OLFM4: variants seen among roughly 807,000 people sequenced by gnomAD.
The protein encoded by OLFM4 is olfactomedin-4.
In OLFM4, 22 loss-of-function variants were observed where a neutral mutation model predicts 25.5. The ratio of observed to expected loss-of-function variants is 0.86; its 90% CI spans 0.62 to 1.23. OLFM4 has a LOEUF of 1.23. OLFM4 is among the 50% of genes most tolerant of loss of function. The pLI is 0.00. For missense variants in OLFM4, 594 were observed against 619.4 expected, an observed-to-expected ratio of 0.96 and a Z score of 0.44; for synonymous variants, 255 against 237.7, an observed-to-expected ratio of 1.07 and a Z score of -0.67.
intron 2 of OLFM4, among the ~76,000 whole-genome samples, chr13:53,041,466 T>A (rs1476948065): frequency 3.9e-5 from 6 of 151,986 alleles, no homozygotes; most frequent in African/African-American, 1.4e-4. Context: ...GAAGCGTACT[T>A]GAGGGTGGAG....
intron 2 of OLFM4, among the ~76,000 whole-genome samples, chr13:53,037,853 A>G (rs1954666618): frequency 6.6e-6 from 1 of 152,256 alleles, no homozygotes. Context: ...GTTTTGAGAG[A>G]CTGGCAGAAA....
rs753776148 is a variant in OLFM4 at position 53,050,222 on chromosome 13, T to A, written c.984T>A (p.Gly328=). 2 of 1,614,014 alleles carry A rather than the reference T, an allele frequency of 1.2e-6. No homozygotes were observed. ...AGTTGCGGATCACCTATGGCCAAGG[T>A]AGTGGTACAGCAGTTTACAACAACA... ...ARELRITYGQ[G]SGTAVYNNNM... Residue 328 remains glycine, a synonymous_variant, in exon 5 of 5, where the codon GGT becomes GGA. Coordinates refer to ENST00000219022, the MANE Select transcript of OLFM4 (RefSeq NM_006418.5).
chr13:53,047,780 T>C (rs893027046), intron 4 of OLFM4, among the ~76,000 whole-genome samples: 1 of 152,174 alleles, frequency 6.6e-6, no homozygotes, highest in South Asian at 2.1e-4. Flanking sequence ...AGTAATTTTT[T>C]GAGAAGTTTA....
Position 53,050,114 on chromosome 13 carries a change from A to T in OLFM4, c.876A>T (p.Pro292=). The change falls in exon 5 of 5, where the codon CCA becomes CCT. Residue 292 remains proline (P), a synonymous_variant. Coordinates refer to ENST00000219022, the MANE Select transcript of OLFM4 (RefSeq NM_006418.5). ...HPNKGLYWVA[P]LNTDGRLLEY... is the part of the protein sequence containing the mutation. ...ACAAAGGACTGTATTGGGTGGCGCC[A>T]TTGAATACAGATGGGAGACTGTTGG... is the stretch of plus-strand genomic sequence containing the variant. 2.5e-6 allele frequency: 4 copies of T among 1,614,004 alleles called. No individual in the cohort carries two copies. The highest frequency in any genetic ancestry group is 3.4e-6 in the Non-Finnish European group (4 of 1,179,922).
intron 4 of OLFM4, among the ~76,000 whole-genome samples, chr13:53,046,241 C>G (rs1954714903): frequency 6.6e-6 from 1 of 152,122 alleles, no homozygotes; most frequent in Non-Finnish European, 1.5e-5. Context: ...TTAATAGATC[C>G]AAGACTAATT....
In OLFM4 at chr13:53,050,535, G is replaced by A. The variant is rs748620508; in HGVS notation, c.1297G>A (p.Ala433Thr). The A allele has an allele frequency of 2.2e-5, 35 of 1,613,972 alleles. No homozygotes were observed. The Admixed American group carries it at 2.8e-4, about 13-fold the overall frequency. Residue 433 changes from alanine to threonine, a missense_variant, in exon 5 of 5, where the codon GCC becomes ACC. Ala to Thr is a moderately conservative substitution (Grantham distance 58). Transcript: ENST00000219022. ...TKQYKPSASN[A>T]FMVCGVLYAT... ...GCAGTATAAACCATCTGCTTCTAAC[G>A]CCTTCATGGTATGTGGGGTTCTGTA...
chr13:53,047,311 T>C (rs539537724), intron 4 of OLFM4, among the ~76,000 whole-genome samples: 18 of 152,062 alleles, frequency 1.2e-4, no homozygotes, highest in Non-Finnish European at 2.9e-5. Context: ...GATGGGGGGA[T>C]GGGGACTCTG....
Position 53,050,712 on chromosome 13 carries a change from G to A in OLFM4, c.1474G>A (p.Val492Ile). ...TAACCCTTTTGACCAGAAACTTTAT[G>A]TCTATAACGATGGTTACCTTCTGAA... is the stretch of plus-strand genomic sequence containing the variant. ...NYNPFDQKLY[V>I]YNDGYLLNYD... is the part of the protein sequence containing the mutation. Residue 492 changes from valine to isoleucine, a missense_variant, in exon 5 of 5, where the codon GTC becomes ATC. Coordinates refer to ENST00000219022, the MANE Select transcript of OLFM4 (RefSeq NM_006418.5). 6.2e-7 allele frequency: 1 copy of A among 1,612,748 alleles called. No individual in the cohort carries two copies. The highest frequency in any genetic ancestry group is 8.5e-7 in the Non-Finnish European group (1 of 1,179,562).
At chr13:53,035,986 A>T (rs1485545199) in intron 2 of OLFM4, among the ~76,000 whole-genome samples, 1 of 152,224 alleles carries the variant, frequency 6.6e-6, no homozygotes, top group African/African-American at 2.4e-5. Context: ...CCATTAATTT[A>T]CAAGGAGCTC....
At chr13:53,033,273 A>G (rs1174114346) in intron 1 of OLFM4, among the ~76,000 whole-genome samples, 1 of 152,234 alleles carries the variant, frequency 6.6e-6, no homozygotes, top group Non-Finnish European at 1.5e-5. Flanking sequence ...CTTTTTCTGC[A>G]AATGGTAAGC....
At position 53,028,983 on chromosome 13, in the gene OLFM4, C is replaced by G; in HGVS notation, c.147C>G (p.Ser49Arg). 6.2e-7 allele frequency: 1 copy of G among 1,614,220 alleles called. No homozygotes were observed. Among genetic ancestry groups the G allele is most frequent in the Non-Finnish European group, 8.5e-7 (1 of 1,180,044 alleles). ...GVDSSSSFSSSSRSGSSSSRS... is the reference protein window; with the variant it reads ...GVDSSSSFSSRSRSGSSSSRS... The stretch of plus-strand genomic sequence containing the variant: ...ACTCCAGCTCCAGCTTCAGCTCCAG[C>G]TCCAGGTCGGGCTCCAGCTCCAGCC... The change falls in exon 1 of 5, where the codon AGC (serine) becomes AGG (arginine). Residue 49 changes from serine (S) to arginine (R), a missense_variant. Transcript: ENST00000219022.
At position 53,043,205 on chromosome 13, in the gene OLFM4, A is replaced by G; in HGVS notation, c.671A>G (p.Lys224Arg). 6.2e-7 allele frequency: 1 copy of G among 1,613,508 alleles called. No individual in the cohort carries two copies. The highest frequency in any genetic ancestry group is 8.5e-7 in the Non-Finnish European group (1 of 1,179,706). ...ATCGTGGCTCTGAAGACCAAGCTGAAAGAGTGTGAGGCCTCTAAAGATCAA... is the reference window on the plus strand; with the variant it reads ...ATCGTGGCTCTGAAGACCAAGCTGAGAGAGTGTGAGGCCTCTAAAGATCAA... ...REIVALKTKL[K>R]ECEASKDQNT... Residue 224 changes from lysine (K) to arginine (R), a missense_variant, in exon 4 of 5, where the codon AAA becomes AGA. Lys to Arg is a conservative substitution (Grantham distance 26). Coordinates refer to ENST00000219022, the MANE Select transcript of OLFM4 (RefSeq NM_006418.5).
In OLFM4 at chr13:53,049,967, A is replaced by C; in HGVS notation, c.731-2A>C. 6.3e-7 allele frequency: 1 copy of C among 1,592,538 alleles called. No homozygotes were observed. The highest frequency in any genetic ancestry group is 8.6e-7 in the Non-Finnish European group (1 of 1,166,156). ...TGCCTTTTTATTTTCTTGTTTGTAT[A>C]GGGAGCTGTGGTCATGGTGGTGTGG... On this transcript the variant is annotated splice_acceptor_variant, in intron 4 of 4. Transcript: ENST00000219022. LOFTEE classifies it high-confidence loss of function.
At chr13:53,043,368 G>GTT (rs1184435043) in intron 4 of OLFM4, 104 bp downstream of exon 4, 223 of 458,858 alleles carry the variant, frequency 4.9e-4, no homozygotes, top group Non-Finnish European at 5.8e-4. Flanking sequence ...AAGAAGGTGG[G>GTT]TTGTTTTTTT....
rs1593480611 is a variant in OLFM4 at position 53,042,033 on chromosome 13, G to A, written c.481G>A (p.Val161Ile). 6.8e-6 allele frequency: 11 copies of A among 1,613,940 alleles called. No homozygotes were observed. The highest frequency in any genetic ancestry group is 9.3e-6 in the Non-Finnish European group (11 of 1,179,960). Residue 161 changes from valine to isoleucine, a missense_variant, in exon 3 of 5, where the codon GTA becomes ATA. Physicochemically the swap from Val to Ile is conservative, Grantham distance 29 (BLOSUM62 3). Coordinates refer to ENST00000219022, the MANE Select transcript of OLFM4 (RefSeq NM_006418.5). Reference sequence around the variant, plus strand: ...TGAACTGGACTTCGAGCTGATCAAGGTAGAAGTGAAGGAGATGGAAAAACT... The same window carrying A: ...TGAACTGGACTTCGAGCTGATCAAGATAGAAGTGAAGGAGATGGAAAAACT... ...YTELDFELIK[V>I]EVKEMEKLVI...
intron 2 of OLFM4, among the ~76,000 whole-genome samples, chr13:53,036,251 T>C (rs1954657761): frequency 6.6e-6 from 1 of 152,230 alleles, no homozygotes. Flanking sequence ...CATTAAATTA[T>C]AAATTCTAAC....
intron 3 of OLFM4, among the ~76,000 whole-genome samples, 164 bp downstream of exon 3, chr13:53,042,286 G>A (rs1405056902): frequency 6.6e-6 from 1 of 152,226 alleles, no homozygotes; most frequent in Non-Finnish European, 1.5e-5. Context: ...ATAAGGGCAT[G>A]TGTTTGAATA....
At chr13:53,038,253 C>T (rs747475894) in intron 2 of OLFM4, among the ~76,000 whole-genome samples, 4 of 152,150 alleles carry the variant, frequency 2.6e-5, no homozygotes, top group African/African-American at 4.8e-5. Context: ...AGGACAAAAT[C>T]ACCACCACTA....
At position 53,042,246 on chromosome 13, in the gene OLFM4, C is replaced by T. The variant is rs1465471875; in HGVS notation, c.570+124C>T. The stretch of plus-strand genomic sequence containing the variant: ...TTCTAATTCTCTACTGTCTCATGGC[C>T]ACATGGCATATCACTATGTTCTGTT... On this transcript the variant is annotated intron_variant, in intron 3 of 4. Coordinates refer to ENST00000219022, the MANE Select transcript of OLFM4 (RefSeq NM_006418.5). 1.5e-5 allele frequency: 12 copies of T among 788,042 alleles called. No homozygotes were observed. The South Asian group carries it at 1.6e-4, about 10-fold the overall frequency. 48.8% of individuals were successfully genotyped at this position (788,042 alleles called of 1,614,324 possible).
Sources: gnomAD v4.1 joint callset for allele counts (sites outside exome capture counted in the v4.1 genomes callset) on GRCh38, gnomAD v4.1.1 for gene constraint, MANE v1.5 for transcripts, NCBI Gene and HGNC (gene_info 2026-07-23, HGNC 2026-07-21) for gene names.